The following SUCLG2 variants were observed in gnomAD, a reference collection of about 807,000 sequenced individuals.
SUCLG2 encodes the protein succinate--CoA ligase [GDP-forming] subunit beta, mitochondrial.
SUCLG2 carries 42 observed loss-of-function variants against 47.9 expected under a neutral mutation model. That is an observed-to-expected ratio of 0.88 (90% confidence interval 0.69 to 1.14). The LOEUF is 1.14. Among genes scored for constraint, SUCLG2 ranks in the 50% most tolerant of loss-of-function variants. The probability of loss-of-function intolerance (pLI) is 0.00; values close to 1 mark genes in which losing one functional copy is unlikely to be tolerated. For synonymous variants in SUCLG2, 195 were observed against 197.3 expected, an observed-to-expected ratio of 0.99 and a Z score of 0.10; for missense variants, 571 against 525.9, an observed-to-expected ratio of 1.09 and a Z score of -0.84.
intron 10 of SUCLG2, among the ~76,000 whole-genome samples, chr3:67,388,669 T>A (rs574508969): frequency 1.3e-5 from 2 of 152,326 alleles, no homozygotes; most frequent in East Asian, 3.9e-4. Flanking sequence ...CTTTTTAGAC[T>A]AAGGAAATGC....
chr3:67,425,575 G>C (rs1425209207), intron 9 of SUCLG2, among the ~76,000 whole-genome samples: 1 of 152,100 alleles, frequency 6.6e-6, no homozygotes, highest in Non-Finnish European at 1.5e-5. Flanking sequence ...TATTTAGCTG[G>C]GGCATCTTCC....
intron 9 of SUCLG2, among the ~76,000 whole-genome samples, chr3:67,462,054 T>C (rs1459375492): frequency 2.6e-5 from 4 of 152,132 alleles, no homozygotes; most frequent in African/African-American, 9.7e-5. Flanking sequence ...CATATATATA[T>C]GTATGTTTTT....
chr3:67,590,013 T>C (rs1266508760), intron 2 of SUCLG2, among the ~76,000 whole-genome samples: 1 of 152,168 alleles, frequency 6.6e-6, no homozygotes, highest in African/African-American at 2.4e-5. Flanking sequence ...TATGAAATTT[T>C]ATATTTTGAA....
chr3:67,628,228 C>T (rs983735966), intron 1 of SUCLG2, among the ~76,000 whole-genome samples: 12 of 152,192 alleles, frequency 7.9e-5, no homozygotes, highest in Non-Finnish European at 1.6e-4. Flanking sequence ...AGAGCAGCTC[C>T]ACAGGGCAAT....
intron 9 of SUCLG2, among the ~76,000 whole-genome samples, chr3:67,461,949 A>C (rs894569336): frequency 2.0e-5 from 3 of 152,064 alleles, no homozygotes; most frequent in African/African-American, 7.2e-5. Context: ...AGGGGAGGTA[A>C]GGTCATGCGG....
At chr3:67,518,590 T>A (rs1254279347) in intron 5 of SUCLG2, among the ~76,000 whole-genome samples, 1 of 152,254 alleles carries the variant, frequency 6.6e-6, no homozygotes, top group African/African-American at 2.4e-5. Flanking sequence ...ATGCCAGTTT[T>A]CACTTTTAAT....
At chr3:67,493,839 C>T (rs938266369) in intron 9 of SUCLG2, among the ~76,000 whole-genome samples, 1 of 152,198 alleles carries the variant, frequency 6.6e-6, no homozygotes, top group Non-Finnish European at 1.5e-5. Context: ...TGAATTAATA[C>T]ATGATTAGAG....
At chr3:67,429,478 C>G (rs180962773) in intron 9 of SUCLG2, among the ~76,000 whole-genome samples, 115 of 152,246 alleles carry the variant, frequency 7.6e-4, no homozygotes, top group African/African-American at 2.7e-3. Context: ...ATAACCGGTA[C>G]CAGCCACTGC....
chr3:67,429,486 T>A (rs540581607), intron 9 of SUCLG2, among the ~76,000 whole-genome samples: 1 of 152,180 alleles, frequency 6.6e-6, no homozygotes, highest in African/African-American at 2.4e-5. Flanking sequence ...TACCAGCCAC[T>A]GCAAAAACGT....
At chr3:67,553,878 C>T (rs1434489671) in intron 2 of SUCLG2, among the ~76,000 whole-genome samples, 6 of 152,128 alleles carry the variant, frequency 3.9e-5, no homozygotes, top group African/African-American at 1.4e-4. Context: ...TTATCTTAAA[C>T]AGTAGAAACA....
intron 1 of SUCLG2, among the ~76,000 whole-genome samples, chr3:67,634,253 G>C (rs549672884): frequency 6.6e-6 from 1 of 152,198 alleles, no homozygotes; most frequent in South Asian, 2.1e-4. Flanking sequence ...TCTTCACCAG[G>C]ACCACTACCA....
At chr3:67,562,230 T>C (rs1170590822) in intron 2 of SUCLG2, among the ~76,000 whole-genome samples, 6 of 152,092 alleles carry the variant, frequency 3.9e-5, no homozygotes, top group Non-Finnish European at 2.9e-5. Flanking sequence ...CCTTCATGTT[T>C]GCACTTTAAA....
intron 6 of SUCLG2, among the ~76,000 whole-genome samples, chr3:67,509,380 T>C (rs535469385): frequency 1.4e-4 from 22 of 152,286 alleles, no homozygotes; most frequent in South Asian, 1.2e-3. Context: ...CTAATGAAAA[T>C]TGTTGCAAAA....
chr3:67,446,575 G>A (rs1421879930), intron 9 of SUCLG2, among the ~76,000 whole-genome samples: 8 of 150,770 alleles, frequency 5.3e-5, no homozygotes, highest in African/African-American at 1.7e-4. Context: ...GACTACAGGC[G>A]CCTGCCACCA....
At chr3:67,563,877 C>T (rs556719231) in intron 2 of SUCLG2, among the ~76,000 whole-genome samples, 13 of 148,752 alleles carry the variant, frequency 8.7e-5, no homozygotes, top group Non-Finnish European at 1.5e-4. Flanking sequence ...AGGAGAATGG[C>T]GTGAACCCGA....
chr3:67,602,998 C>T (rs1392070036), intron 2 of SUCLG2, among the ~76,000 whole-genome samples: 1 of 152,162 alleles, frequency 6.6e-6, no homozygotes, highest in Non-Finnish European at 1.5e-5. Context: ...AATCAAATCA[C>T]ACCACAGGAA....
intron 2 of SUCLG2, among the ~76,000 whole-genome samples, chr3:67,596,983 T>G (rs1167946779): frequency 6.6e-6 from 1 of 152,192 alleles, no homozygotes; most frequent in Non-Finnish European, 1.5e-5. Flanking sequence ...CTCATCAATG[T>G]AAACAGAACA....
chr3:67,444,211 C>T (rs1575700393), intron 9 of SUCLG2, among the ~76,000 whole-genome samples: 2 of 48,596 alleles, frequency 4.1e-5, no homozygotes, highest in Non-Finnish European at 4.5e-5. Context: ...GTGAGGGGCG[C>T]CTCTGCCCGG....
intron 7 of SUCLG2, among the ~76,000 whole-genome samples, chr3:67,507,007 G>A (rs1037188252): frequency 2.6e-5 from 4 of 152,012 alleles, no homozygotes; most frequent in Non-Finnish European, 5.9e-5. Context: ...CTAGCCCCTG[G>A]GACAGTCACA....
Sources: allele counts gnomAD v4.1 joint callset (sites outside exome capture counted in the v4.1 genomes callset), GRCh38; gene constraint gnomAD v4.1.1; transcripts MANE v1.5; gene names NCBI Gene and HGNC (gene_info 2026-07-23, HGNC 2026-07-21).